The following CC2D2A variants were observed in gnomAD, a reference collection of about 807,000 sequenced individuals.
CC2D2A encodes coiled-coil and C2 domain containing 2A, also known as coiled-coil and C2 domain-containing protein 2A.
In CC2D2A, 155 loss-of-function variants were observed where a neutral mutation model predicts 212.9. The ratio of observed to expected loss-of-function variants is 0.73; its 90% CI spans 0.64 to 0.83. The LOEUF (loss-of-function observed/expected upper bound fraction) is 0.83, where lower values mean the gene tolerates loss of function less well. Among genes scored for constraint, CC2D2A ranks in the 40% least tolerant of loss-of-function variants. The pLI is 0.00. For synonymous variants in CC2D2A, 667 were observed against 686.5 expected, an observed-to-expected ratio of 0.97 and a Z score of 0.44; for missense variants, 1,856 against 1,956.2, an observed-to-expected ratio of 0.95 and a Z score of 0.97.
intron 14 of CC2D2A, among the ~76,000 whole-genome samples, chr4:15,536,530 C>T (rs1718137591): frequency 6.6e-6 from 1 of 152,004 alleles, no homozygotes; most frequent in African/African-American, 2.4e-5. Context: ...GAAGCAGTTC[C>T]TCAGAGACTT....
In CC2D2A at chr4:15,583,352, GAAAT is replaced by G. The variant is rs1214482138; in HGVS notation, c.3976-2797_3976-2794del. On this transcript the variant is annotated intron_variant, in intron 30 of 36. Transcript: ENST00000424120. ...TTCTAGCTAGAGCAATGAGGCAAAA[GAAAT>G]AAATAAAGGGCATCCAGATTTGAAA... Among the ~76,000 whole-genome samples, 13 of 152,246 alleles carry G rather than the reference GAAAT, an allele frequency of 8.5e-5. No homozygotes were observed. In the South Asian group the frequency reaches 2.5e-3, roughly 29 times the overall value.
chr4:15,500,577 A>C (rs1273131847), intron 4 of CC2D2A, among the ~76,000 whole-genome samples: 1 of 152,164 alleles, frequency 6.6e-6, no homozygotes, highest in East Asian at 1.9e-4. Context: ...TACAGGCATT[A>C]AGTGATAGTT....
chr4:15,588,513 TA>T (rs1380741629), intron 32 of CC2D2A, among the ~76,000 whole-genome samples: 2 of 152,314 alleles, frequency 1.3e-5, no homozygotes, highest in Non-Finnish European at 2.9e-5. Context: ...GTGATGCAAA[TA>T]GGTAAGTTTA....
At chr4:15,521,463 A>T (rs1033187982) in intron 11 of CC2D2A, among the ~76,000 whole-genome samples, 1 of 152,222 alleles carries the variant, frequency 6.6e-6, no homozygotes, top group African/African-American at 2.4e-5. Context: ...TTATTCCATG[A>T]AATAGGCTTG....
At chr4:15,545,603 C>G (rs1299385445) in intron 17 of CC2D2A, among the ~76,000 whole-genome samples, 1 of 152,042 alleles carries the variant, frequency 6.6e-6, no homozygotes, top group Non-Finnish European at 1.5e-5. Flanking sequence ...AGCTTCTAGC[C>G]AGGCTTGAGA....
intron 4 of CC2D2A, among the ~76,000 whole-genome samples, chr4:15,493,245 A>ATTTATTAT (rs1553822129): frequency 6.7e-6 from 1 of 148,252 alleles, no homozygotes; most frequent in African/African-American, 2.5e-5. Context: ...CACTTTATTT[A>ATTTATTAT]TTATTTATTT....
chr4:15,478,334 C>T (rs1436467769), intron 2 of CC2D2A, among the ~76,000 whole-genome samples: 1 of 152,184 alleles, frequency 6.6e-6, no homozygotes, highest in Non-Finnish European at 1.5e-5. Flanking sequence ...ATTGTGATGT[C>T]TGTCCTAGCA....
chr4:15,496,020 G>A (rs1426829784), intron 4 of CC2D2A, among the ~76,000 whole-genome samples: 1 of 152,084 alleles, frequency 6.6e-6, no homozygotes, highest in East Asian at 1.9e-4. Flanking sequence ...ATGTTTGTTG[G>A]CCACAAGTAC....
Position 15,601,414 on chromosome 4 carries a change from C to G in CC2D2A, c.4852C>G (p.Arg1618Gly). 6.7e-7 allele frequency: 1 copy of G among 1,482,556 alleles called. No homozygotes were observed. Among genetic ancestry groups the G allele is most frequent in the Non-Finnish European group, 9.0e-7 (1 of 1,111,688 alleles). The allele number at this position is 1,482,556 out of a possible 1,614,324, so 91.8% of individuals were successfully genotyped here. ...SVWIYVASLI[R>G]NR Reference sequence around the variant, plus strand: ...TTGGATCTATGTTGCCTCTCTTATACGCAACAGGTAATTTTTTTCACTGTA... The same window carrying G: ...TTGGATCTATGTTGCCTCTCTTATAGGCAACAGGTAATTTTTTTCACTGTA... The change falls in exon 37 of 37, where the codon CGC (arginine) becomes GGC (glycine). Residue 1618 changes from arginine to glycine, a missense_variant. By Grantham distance (125) the Arg-to-Gly change is moderately radical. Around this residue, in one of 5 missense-constraint regions of CC2D2A, gnomAD observed 285 missense variants for 278.4 expected, o/e 1.02. Transcript: ENST00000424120.
chr4:15,491,046 G>T (rs984081214), intron 4 of CC2D2A, among the ~76,000 whole-genome samples: 1 of 152,086 alleles, frequency 6.6e-6, no homozygotes, highest in Non-Finnish European at 1.5e-5. Flanking sequence ...CGAAGCTCCC[G>T]GCCGAATAAA....
At chr4:15,573,537 T>C (rs1212062152) in intron 28 of CC2D2A, among the ~76,000 whole-genome samples, 2 of 152,236 alleles carry the variant, frequency 1.3e-5, no homozygotes, top group Non-Finnish European at 2.9e-5. Flanking sequence ...GTGCTCTACC[T>C]GCCTCGGCCT....
intron 36 of CC2D2A, among the ~76,000 whole-genome samples, chr4:15,600,984 T>C (rs552539561): frequency 6.6e-6 from 1 of 151,628 alleles, no homozygotes; most frequent in African/African-American, 2.4e-5. Context: ...TTACGATGCA[T>C]ACTAGGTACT....
chr4:15,510,245 G>C lies in CC2D2A; in HGVS notation c.540+5G>C. 3 of 1,604,102 alleles carry C rather than the reference G, an allele frequency of 1.9e-6. No individual in the cohort carries two copies. Among genetic ancestry groups the C allele is most frequent in the East Asian group, 2.2e-5 (1 of 44,800 alleles). On this transcript the variant is annotated splice_donor_5th_base_variant and intron_variant, in intron 7 of 36. Coordinates refer to ENST00000424120, the MANE Select transcript of CC2D2A (RefSeq NM_001378615.1). Reference sequence around the variant, plus strand: ...AAAATCAAGCCTAAACCCCAGGTGAGAAATCTTGTTTTTTAAAATCATTTG... The same window carrying C: ...AAAATCAAGCCTAAACCCCAGGTGACAAATCTTGTTTTTTAAAATCATTTG...
chr4:15,556,533 CA>C (rs1354495487), intron 20 of CC2D2A, among the ~76,000 whole-genome samples: 4 of 152,190 alleles, frequency 2.6e-5, no homozygotes, highest in Non-Finnish European at 4.4e-5. Context: ...GTTTTCCCAT[CA>C]AAGAACAAAA....
intron 36 of CC2D2A, 60 bp from the exon 37 acceptor site, chr4:15,601,177 G>T: frequency 7.4e-7 from 1 of 1,356,752 alleles, no homozygotes; most frequent in East Asian, 2.4e-5. Context: ...CATTTACGTA[G>T]GAAAAAATGT....
At chr4:15,518,569 G>T (rs189772430) in intron 11 of CC2D2A, among the ~76,000 whole-genome samples, 1 of 152,164 alleles carries the variant, frequency 6.6e-6, no homozygotes, top group Non-Finnish European at 1.5e-5. Flanking sequence ...AGCTCCAACC[G>T]CACATTTCCC....
At chr4:15,532,727 T>C (rs1444758193) in intron 13 of CC2D2A, among the ~76,000 whole-genome samples, 2 of 152,226 alleles carry the variant, frequency 1.3e-5, no homozygotes, top group African/African-American at 4.8e-5. Flanking sequence ...GCCAAAAATA[T>C]TGGTAATCTA....
chr4:15,478,305 C>T (rs1389423050), intron 2 of CC2D2A, among the ~76,000 whole-genome samples: 1 of 152,174 alleles, frequency 6.6e-6, no homozygotes, highest in African/African-American at 2.4e-5. Flanking sequence ...AAAACTTAAC[C>T]GGTGAAATCC....
chr4:15,477,118 CA>C (rs1342226742), intron 2 of CC2D2A, among the ~76,000 whole-genome samples: 2 of 152,080 alleles, frequency 1.3e-5, no homozygotes, highest in East Asian at 3.9e-4. Context: ...GCCTGACCAA[CA>C]TGGAGAAACC....
Sources: gnomAD v4.1 joint callset for allele counts (sites outside exome capture counted in the v4.1 genomes callset) on GRCh38, gnomAD v4.1.1 for gene constraint, gnomAD v4.1.1 regional missense constraint, MANE v1.5 for transcripts, NCBI Gene and HGNC (gene_info 2026-07-23, HGNC 2026-07-21) for gene names.